AMPD3: variants seen among roughly 807,000 people sequenced by gnomAD.
AMPD3 encodes the protein AMP deaminase 3.
A neutral mutation model predicts 82.3 loss-of-function variants in AMPD3; 57 were observed. The observed-to-expected ratio is 0.69, with a 90% CI of 0.56 to 0.86. The LOEUF (loss-of-function observed/expected upper bound fraction) is 0.86, where lower values mean the gene tolerates loss of function less well. Ranked by LOEUF, AMPD3 falls within the 40% of genes least tolerant of loss-of-function variation. The probability of loss-of-function intolerance (pLI) is 0.00; values close to 1 mark genes in which losing one functional copy is unlikely to be tolerated. For synonymous variants in AMPD3, 381 were observed against 394.7 expected (o/e 0.97, Z 0.41); for missense variants, 870 against 1,003.8 (o/e 0.87, Z 1.80).
At chr11:10,479,871 T>C (rs1418306239) in intron 3 of AMPD3, 1 of 978,506 alleles carries the variant, frequency 1.0e-6, no homozygotes, top group East Asian at 1.1e-4. Flanking sequence ...TTTAATTAAG[T>C]TCCCATGGAT....
intron 3 of AMPD3, 175 bp from the exon 4 acceptor site, chr11:10,481,888 T>G (rs928952197): frequency 4.0e-6 from 3 of 752,776 alleles, no homozygotes; most frequent in Non-Finnish European, 7.0e-6. Context: ...ATATTGTTTG[T>G]ACAAGTAGTT....
At chr11:10,499,642 G>A in intron 10 of AMPD3, 4 of 985,276 alleles carry the variant, frequency 4.1e-6, no homozygotes, top group Non-Finnish European at 3.6e-6. Context: ...CGTGAGTAAA[G>A]TGCTTTGAGC....
rs7416 is a variant in AMPD3 at position 10,506,954 on chromosome 11, A to G, written c.*1070A>G. On this transcript the variant is annotated 3_prime_UTR_variant, in exon 15 of 15. Coordinates refer to ENST00000396553, the MANE Select transcript of AMPD3 (RefSeq NM_001025389.2). This position sits in a 1 kb window ranked among gnomAD's most constrained non-coding sequence, Gnocchi z 4.1. ...TAACCGGATGCATTTTTTTAAGGCA[A>G]AATTTCTCCCTTATCTACTATGATG... The G allele has an allele frequency of 0.16, 23,618 of 152,358 alleles. 2,454 individuals are homozygous for G. The highest frequency in any genetic ancestry group is 0.24 in the Middle Eastern group (70 of 294). 9.4% of individuals were successfully genotyped at this position (152,358 alleles called of 1,614,324 possible).
At chr11:10,496,674 T>C in intron 9 of AMPD3, 138 bp from the exon 10 acceptor site, 1 of 1,496,680 alleles carries the variant, frequency 6.7e-7, no homozygotes, top group South Asian at 1.2e-5. Context: ...AGGAGGGATC[T>C]GTTTTCTGGT....
rs200620189 is a variant in AMPD3, at chr11:10,461,728, A to G, written c.209A>G (p.Glu70Gly). The change falls in exon 2 of 15, where the codon GAG (glutamate) becomes GGG (glycine). Residue 70 changes from glutamate to glycine, a missense_variant. Coordinates refer to ENST00000396553, the MANE Select transcript of AMPD3 (RefSeq NM_001025389.2). ...GAGCTGGCAGAGCAGAAGTCTGTGG[A>G]GACCGCAAAAAGGTTTGTTCCCAAG... is the stretch of plus-strand genomic sequence containing the variant. Reference protein sequence around the residue: ...QKELAEQKSVETAKRKKSFKM... With the variant: ...QKELAEQKSVGTAKRKKSFKM... 756 of 1,611,562 alleles carry G rather than the reference A, an allele frequency of 4.7e-4. No individual in the cohort carries two copies. The highest frequency in any genetic ancestry group is 6.3e-4 in the Non-Finnish European group (739 of 1,178,772).
chr11:10,494,834 T>C (rs1849343301), intron 7 of AMPD3, 65 bp from the exon 8 acceptor site: 7 of 1,585,666 alleles, frequency 4.4e-6, no homozygotes, highest in Middle Eastern at 2.0e-4. Context: ...CGTAAAGGTC[T>C]AGAGAGGGGA....
chr11:10,451,601 G>A (rs752611608), upstream of AMPD3, among the ~76,000 whole-genome samples: 13 of 152,232 alleles, frequency 8.5e-5, no homozygotes, highest in Non-Finnish European at 7.3e-5. Flanking sequence ...GCTGGCAGAG[G>A]TCCCTGGGGA....
At chr11:10,488,300 C>G (rs921021526) in intron 6 of AMPD3, 10 of 985,284 alleles carry the variant, frequency 1.0e-5, no homozygotes, top group Admixed American at 1.2e-4. Flanking sequence ...TGATGGTGAG[C>G]AAGAGTCACT....
At chr11:10,453,902 G>T (rs1467852916), upstream of AMPD3, among the ~76,000 whole-genome samples, 1 of 152,164 alleles carries the variant, frequency 6.6e-6, no homozygotes, top group Admixed American at 6.5e-5. Context: ...CTTTCTTGAT[G>T]AGACATAATT....
chr11:10,456,094 C>T lies in AMPD3; in HGVS notation c.-6+646C>T. ...GAGGGCTGTGAAGAGGGCCAGGACA[C>T]TGCATTCAGGATACCACAGCCATTT... is the stretch of plus-strand genomic sequence containing the variant. On this transcript the variant is annotated intron_variant, in intron 1 of 14. Coordinates refer to ENST00000396553, the MANE Select transcript of AMPD3 (RefSeq NM_001025389.2). The surrounding 1 kb of genome is among the most constrained non-coding windows in gnomAD (Gnocchi z 4.3). 1.6e-6 allele frequency: 2 copies of T among 1,254,550 alleles called. No individual in the cohort carries two copies. The highest frequency in any genetic ancestry group is 3.7e-5 in the East Asian group (1 of 26,912). 77.7% of individuals were successfully genotyped at this position (1,254,550 alleles called of 1,614,324 possible).
intron 10 of AMPD3, 125 bp from the exon 11 acceptor site, chr11:10,499,961 A>C (rs1464527669): frequency 1.3e-6 from 2 of 1,534,436 alleles, no homozygotes; most frequent in African/African-American, 1.4e-5. Context: ...AGGGGTCCCC[A>C]GCTGAGGTGT....
At chr11:10,500,742 A>G (rs1591486141) in intron 11 of AMPD3, 1 of 985,394 alleles carries the variant, frequency 1.0e-6, no homozygotes, top group Non-Finnish European at 1.2e-6. Flanking sequence ...ATAACGGGGA[A>G]CAAAACAGAC....
chr11:10,461,839 T>C (rs1848280293), intron 2 of AMPD3, 99 bp downstream of exon 2: 2 of 1,139,828 alleles, frequency 1.8e-6, no homozygotes, highest in South Asian at 2.7e-5. Context: ...TGGGGACTGG[T>C]ATGTCCCTAG....
chr11:10,488,254 A>G lies in AMPD3; in HGVS notation c.939+890A>G, dbSNP rs952817913. 4 of 985,334 alleles carry G rather than the reference A, an allele frequency of 4.1e-6. No individual in the cohort carries two copies. The Admixed American group carries it at 1.8e-4, about 45-fold the overall frequency. The allele number at this position is 985,334 out of a possible 1,614,324, so 61.0% of individuals were successfully genotyped here. A position where few individuals can be genotyped will look rare whatever the true frequency, so the allele number is the denominator to read the frequency against. On this transcript the variant is annotated intron_variant, in intron 6 of 14. Coordinates refer to ENST00000396553, the MANE Select transcript of AMPD3 (RefSeq NM_001025389.2). ...ATTCTCTTTTGCTGAAGCGCTGTGC[A>G]GTGAGGCACAGGGTCAGTGCTAGGC...
intron 6 of AMPD3, among the ~76,000 whole-genome samples, chr11:10,489,826 G>A (rs1849190215): frequency 6.6e-6 from 1 of 152,030 alleles, no homozygotes; most frequent in Admixed American, 6.6e-5. Flanking sequence ...GATTATAGGT[G>A]CCTGGCACCA....
chr11:10,501,557 T>C lies in AMPD3; in HGVS notation c.1809T>C (p.Ala603=), dbSNP rs765173021. The C allele has an allele frequency of 6.8e-5, 110 of 1,614,062 alleles. No homozygotes were observed. Among genetic ancestry groups the C allele is most frequent in the Non-Finnish European group, 9.1e-5 (107 of 1,180,030 alleles). ...ACCTGGTGTCTGCCTTCCTCACTGCTGACAACATTTCCCACGGGCTGCTCC... is the reference window on the plus strand; with the variant it reads ...ACCTGGTGTCTGCCTTCCTCACTGCCGACAACATTTCCCACGGGCTGCTCC... ...ITHLVSAFLT[A]DNISHGLLLK... The change falls in exon 12 of 15, where the codon GCT becomes GCC. Residue 603 remains alanine (A), a synonymous_variant. Transcript: ENST00000396553.
intron 2 of AMPD3, among the ~76,000 whole-genome samples, chr11:10,462,101 C>T (rs755002222): frequency 1.2e-4 from 19 of 152,038 alleles, no homozygotes; most frequent in Non-Finnish European, 2.5e-4. Context: ...TACTATTTGC[C>T]GGGTGCTGTG....
At chr11:10,480,838 A>G (rs1848882961) in intron 3 of AMPD3, among the ~76,000 whole-genome samples, 1 of 152,222 alleles carries the variant, frequency 6.6e-6, no homozygotes, top group Non-Finnish European at 1.5e-5. Flanking sequence ...ACTCTGGGCT[A>G]TGCCAGCATA....
intron 9 of AMPD3, 131 bp downstream of exon 9, chr11:10,495,864 G>A: frequency 2.5e-6 from 3 of 1,206,636 alleles, no homozygotes; most frequent in East Asian, 5.0e-5. Context: ...CCTTTCCAGG[G>A]ATTTTTCCAT....
Sources: allele counts gnomAD v4.1 joint callset (sites outside exome capture counted in the v4.1 genomes callset), GRCh38; gene constraint gnomAD v4.1.1; non-coding constraint Gnocchi (gnomAD v3.1); transcripts MANE v1.5; gene names NCBI Gene and HGNC (gene_info 2026-07-23, HGNC 2026-07-21).